The following INSL6 variants were observed in gnomAD, a reference collection of about 807,000 sequenced individuals.
INSL6 encodes the protein insulin like 6, also known as insulin-like peptide INSL6.
INSL6 carries 16 observed loss-of-function variants against 9.4 expected under a neutral mutation model. The ratio of observed to expected loss-of-function variants is 1.70; its 90% CI spans 1.15 to 2.59. The LOEUF (loss-of-function observed/expected upper bound fraction) is 2.59, where lower values mean the gene tolerates loss of function less well. INSL6 is among the 30% of genes most tolerant of loss of function. The probability of loss-of-function intolerance (pLI) is 0.00; values close to 1 mark genes in which losing one functional copy is unlikely to be tolerated. For synonymous variants in INSL6, 154 were observed against 96.9 expected (o/e 1.59, Z -3.46); for missense variants, 391 against 257.3 (o/e 1.52, Z -3.56).
At chr9:5,152,806 G>A (rs558806649) in intron 2 of INSL6, among the ~76,000 whole-genome samples, 29 of 152,286 alleles carry the variant, frequency 1.9e-4, no homozygotes, top group African/African-American at 6.5e-4. Context: ...CAGCAAGATC[G>A]ACGCAGAAGG....
the INSL6 span, chr9:5,114,638 C>A: frequency 2.1e-6 from 1 of 476,718 alleles, no homozygotes. Context: ...CTTGGCACAG[C>A]ATGACGCAGC....
chr9:5,101,668 G>A, the INSL6 span, among the ~76,000 whole-genome samples: 22 of 152,306 alleles, frequency 1.4e-4, no homozygotes, highest in South Asian at 3.3e-3. Context: ...TGTCTGGGAC[G>A]AAGCTTCCAG....
chr9:4,995,918 T>C, the INSL6 span, among the ~76,000 whole-genome samples: 1 of 152,210 alleles, frequency 6.6e-6, no homozygotes, highest in African/African-American at 2.4e-5. Context: ...TGCTAACTTA[T>C]GTGTCTGCTC....
the INSL6 span, among the ~76,000 whole-genome samples, chr9:5,024,585 T>C: frequency 1.3e-5 from 2 of 152,098 alleles, no homozygotes; most frequent in East Asian, 3.9e-4. Context: ...CTCCAATACA[T>C]AGAAATGCTT....
At chr9:5,151,904 C>A (rs62541916) in intron 2 of INSL6, among the ~76,000 whole-genome samples, 54,680 of 151,816 alleles carry the variant, frequency 0.36, 10,681 homozygotes, top group African/African-American at 0.53. Context: ...ACTAATTTTA[C>A]ACATGAAGAT....
the INSL6 span, among the ~76,000 whole-genome samples, chr9:5,034,690 C>T: frequency 8.8e-3 from 1,331 of 151,864 alleles, 13 homozygotes; most frequent in Non-Finnish European, 0.015. Context: ...TTGAAACCAA[C>T]GAGAACAAAG....
the INSL6 span, among the ~76,000 whole-genome samples, chr9:5,080,036 G>A: frequency 2.6e-5 from 4 of 152,234 alleles, 1 homozygote; most frequent in South Asian, 8.3e-4. Context: ...ATGAAATATT[G>A]AATTAGATGA....
chr9:5,143,747 C>G (rs555096412), intron 2 of INSL6, among the ~76,000 whole-genome samples: 1 of 151,102 alleles, frequency 6.6e-6, no homozygotes, highest in Non-Finnish European at 1.5e-5. Flanking sequence ...ACAACCTCCA[C>G]CTGCTGGGTT....
At chr9:5,038,003 G>A in the INSL6 span, among the ~76,000 whole-genome samples, 1 of 152,176 alleles carries the variant, frequency 6.6e-6, no homozygotes, top group Non-Finnish European at 1.5e-5. Context: ...CACTAGTTAT[G>A]AGAATAATGA....
At chr9:5,160,084 G>A (rs750766998), downstream of INSL6, among the ~76,000 whole-genome samples, 76 of 151,526 alleles carry the variant, frequency 5.0e-4, no homozygotes, top group Middle Eastern at 3.4e-3. Flanking sequence ...GCTGAGGCAG[G>A]AGAATCACTT....
At chr9:5,070,127 G>T in the INSL6 span, 3 of 1,048,134 alleles carry the variant, frequency 2.9e-6, no homozygotes, top group Non-Finnish European at 1.4e-6. Context: ...TTACATTCAT[G>T]TGACATTGGA....
the INSL6 span, among the ~76,000 whole-genome samples, chr9:5,087,196 C>T: frequency 2.0e-5 from 3 of 152,194 alleles, no homozygotes; most frequent in Non-Finnish European, 2.9e-5. Context: ...GTTTAATTGA[C>T]TGACAGTTAC....
the INSL6 span, chr9:5,114,253 G>C: frequency 5.6e-6 from 3 of 540,284 alleles, no homozygotes; most frequent in South Asian, 1.6e-5. Context: ...ACAATCACCT[G>C]TCTGGTGGTG....
the INSL6 span, among the ~76,000 whole-genome samples, chr9:5,014,032 GTC>G: frequency 2.0e-5 from 3 of 151,932 alleles, no homozygotes; most frequent in Non-Finnish European, 4.4e-5. Context: ...GAAAAGTTGT[GTC>G]TCTTAGAATT....
At chr9:5,171,877 A>G (rs571737514) in intron 1 of INSL6, among the ~76,000 whole-genome samples, 4 of 152,338 alleles carry the variant, frequency 2.6e-5, no homozygotes, top group South Asian at 2.1e-4. Flanking sequence ...CATGGATAGG[A>G]AGAATCAATA....
the INSL6 span, among the ~76,000 whole-genome samples, chr9:5,066,279 T>C: frequency 6.6e-6 from 1 of 152,262 alleles, no homozygotes; most frequent in Non-Finnish European, 1.5e-5. Context: ...ATTCAGATTT[T>C]TATGTCAGTA....
At chr9:5,036,928 C>T in the INSL6 span, among the ~76,000 whole-genome samples, 2 of 152,180 alleles carry the variant, frequency 1.3e-5, no homozygotes, top group Non-Finnish European at 2.9e-5. Flanking sequence ...AACAGGCAAC[C>T]TACAGAATGG....
intron 2 of INSL6, among the ~76,000 whole-genome samples, chr9:5,139,236 T>C (rs2130885521): frequency 6.6e-6 from 1 of 152,254 alleles, no homozygotes; most frequent in East Asian, 1.9e-4. Flanking sequence ...TATAGCATTG[T>C]GGCTTTGAAG....
At chr9:5,185,280 G>A (rs769877597) in intron 1 of INSL6, 34 bp downstream of exon 1, 4 of 1,613,526 alleles carry the variant, frequency 2.5e-6, no homozygotes, top group Middle Eastern at 1.7e-4. Flanking sequence ...AATATACAGA[G>A]GTGAACAAAC....
Sources: gnomAD v4.1 joint callset for allele counts (sites outside exome capture counted in the v4.1 genomes callset) on GRCh38, gnomAD v4.1.1 for gene constraint, MANE v1.5 for transcripts, NCBI Gene and HGNC (gene_info 2026-07-23, HGNC 2026-07-21) for gene names.